NFIB: variants seen among roughly 807,000 people sequenced by gnomAD.
NFIB encodes the protein nuclear factor I B.
A neutral mutation model predicts 61.5 loss-of-function variants in NFIB; 11 were observed. The observed-to-expected ratio is 0.18, with a 90% CI of 0.11 to 0.30. NFIB has a LOEUF of 0.30. Among genes scored for constraint, NFIB ranks in the 10% least tolerant of loss-of-function variants. The pLI is 1.00. For missense variants in NFIB, 471 were observed against 608.9 expected, an observed-to-expected ratio of 0.77 and a Z score of 2.38; for synonymous variants, 260 against 216.5, an observed-to-expected ratio of 1.20 and a Z score of -1.76.
At chr9:14,402,430 A>G (rs1456715207), upstream of NFIB, among the ~76,000 whole-genome samples, 1 of 152,216 alleles carries the variant, frequency 6.6e-6, no homozygotes, top group Non-Finnish European at 1.5e-5. Context: ...ATACAGTTGA[A>G]GTAAAGGTCC....
At chr9:14,453,415 C>T in the NFIB span, among the ~76,000 whole-genome samples, 423 of 152,330 alleles carry the variant, frequency 2.8e-3, 1 homozygote, top group Non-Finnish European at 4.9e-3. Context: ...CAAGTGCTTA[C>T]ATCCTAATAG....
chr9:14,217,543 C>A (rs551615649), intron 2 of NFIB, among the ~76,000 whole-genome samples: 18 of 151,464 alleles, frequency 1.2e-4, no homozygotes, highest in Non-Finnish European at 1.9e-4. Flanking sequence ...GCCTGTAATC[C>A]CAGCTACTTG....
intron 1 of NFIB, among the ~76,000 whole-genome samples, chr9:14,319,690 C>G (rs532504398): frequency 6.1e-4 from 93 of 152,256 alleles, no homozygotes; most frequent in African/African-American, 2.1e-3. Flanking sequence ...AAGCTCTGTC[C>G]AAAATGGCTA....
At chr9:14,088,528 T>G (rs755086177) in intron 10 of NFIB, among the ~76,000 whole-genome samples, 6 of 152,108 alleles carry the variant, frequency 3.9e-5, no homozygotes, top group Non-Finnish European at 5.9e-5. Context: ...ATTTTTTAAA[T>G]GAAAATTAAG....
intron 2 of NFIB, among the ~76,000 whole-genome samples, chr9:14,234,305 T>C (rs2053514576): frequency 6.6e-6 from 1 of 151,534 alleles, no homozygotes; most frequent in South Asian, 2.1e-4. Context: ...AGAAGCTACC[T>C]CATGGTGTAG....
At chr9:14,461,263 G>A in the NFIB span, among the ~76,000 whole-genome samples, 1,936 of 152,276 alleles carry the variant, frequency 0.013, 27 homozygotes, top group East Asian at 0.045. Flanking sequence ...TTTATTGAAT[G>A]AGAACATGAA....
chr9:14,147,432 G>A (rs2042386401), intron 5 of NFIB, among the ~76,000 whole-genome samples: 1 of 151,976 alleles, frequency 6.6e-6, no homozygotes, highest in African/African-American at 2.4e-5. Context: ...TAAGTGGCTG[G>A]CATTTAGAAG....
intron 2 of NFIB, among the ~76,000 whole-genome samples, chr9:14,236,741 G>A (rs533843344): frequency 6.6e-6 from 1 of 152,110 alleles, no homozygotes; most frequent in South Asian, 2.1e-4. Context: ...CAGATTCATA[G>A]CACTGGGTAG....
intron 2 of NFIB, among the ~76,000 whole-genome samples, chr9:14,267,475 T>C (rs959886965): frequency 4.1e-4 from 63 of 152,216 alleles, no homozygotes; most frequent in African/African-American, 1.3e-3. Context: ...AAATGAGTAC[T>C]GAAAGTACTA....
chr9:14,334,998 G>A (rs1200068529), intron 1 of NFIB, among the ~76,000 whole-genome samples: 1 of 152,116 alleles, frequency 6.6e-6, no homozygotes, highest in Non-Finnish European at 1.5e-5. Context: ...ATTCATCCAT[G>A]TTGTTGTAAC....
the NFIB span, among the ~76,000 whole-genome samples, chr9:14,425,814 C>A: frequency 1.2e-3 from 176 of 151,792 alleles, no homozygotes; most frequent in Non-Finnish European, 1.7e-3. Flanking sequence ...AGAGTAGCAC[C>A]TTAATATAAT....
At chr9:14,205,507 CTAT>C (rs2049587701) in intron 2 of NFIB, among the ~76,000 whole-genome samples, 2 of 151,894 alleles carry the variant, frequency 1.3e-5, no homozygotes, top group Admixed American at 1.3e-4. Context: ...AGCTAACAGG[CTAT>C]GTTCACAGCA....
intron 9 of NFIB, among the ~76,000 whole-genome samples, chr9:14,115,194 T>C (rs781641731): frequency 6.6e-6 from 1 of 152,114 alleles, no homozygotes; most frequent in African/African-American, 2.4e-5. Flanking sequence ...AAAGAGCATC[T>C]TTCCAATGGC....
chr9:14,503,052 T>C, the NFIB span, among the ~76,000 whole-genome samples: 1 of 151,826 alleles, frequency 6.6e-6, no homozygotes, highest in Non-Finnish European at 1.5e-5. Flanking sequence ...CAAATGCCAT[T>C]ATTTATTCCT....
chr9:14,520,883 C>T, the NFIB span, among the ~76,000 whole-genome samples: 4 of 152,206 alleles, frequency 2.6e-5, no homozygotes, highest in Non-Finnish European at 4.4e-5. Context: ...TGAGAAACCA[C>T]TGACTTTCCT....
intron 2 of NFIB, among the ~76,000 whole-genome samples, chr9:14,209,578 G>A (rs1367355800): frequency 1.3e-5 from 2 of 152,198 alleles, no homozygotes; most frequent in African/African-American, 4.8e-5. Flanking sequence ...TTGTTTTGTG[G>A]TTATGAATGA....
At chr9:14,207,414 C>T (rs546077403) in intron 2 of NFIB, among the ~76,000 whole-genome samples, 5 of 152,272 alleles carry the variant, frequency 3.3e-5, no homozygotes, top group Admixed American at 3.3e-4. Context: ...AGGCCACTGA[C>T]TGTGGGGAGT....
At chr9:14,493,588 T>C in the NFIB span, among the ~76,000 whole-genome samples, 1 of 152,148 alleles carries the variant, frequency 6.6e-6, no homozygotes, top group Non-Finnish European at 1.5e-5. Context: ...CATAATTGCT[T>C]CATCTGTTCA....
the NFIB span, among the ~76,000 whole-genome samples, chr9:14,495,119 T>C: frequency 1.3e-5 from 2 of 152,192 alleles, no homozygotes; most frequent in Non-Finnish European, 2.9e-5. Context: ...CTGCTACTTG[T>C]TCCTTTCTCT....
Sources: gnomAD v4.1 joint callset for allele counts (sites outside exome capture counted in the v4.1 genomes callset) on GRCh38, gnomAD v4.1.1 for gene constraint, MANE v1.5 for transcripts, NCBI Gene and HGNC (gene_info 2026-07-23, HGNC 2026-07-21) for gene names.